ZNF382: variants seen among roughly 807,000 people sequenced by gnomAD.
ZNF382 encodes zinc finger protein 382, also known as KRAB/zinc finger suppressor protein 1.
In ZNF382, 20 loss-of-function variants were observed where a neutral mutation model predicts 38.8. The observed-to-expected ratio is 0.51, with a 90% CI of 0.36 to 0.75. The LOEUF is 0.75. Among genes scored for constraint, ZNF382 ranks in the 30% least tolerant of loss-of-function variants. The probability of loss-of-function intolerance (pLI) is 0.00; values close to 1 mark genes in which losing one functional copy is unlikely to be tolerated. For synonymous variants in ZNF382, 202 were observed against 223.1 expected (o/e 0.91, Z 0.84); for missense variants, 546 against 654.1 (o/e 0.83, Z 1.80).
intron 4 of ZNF382, among the ~76,000 whole-genome samples, chr19:36,618,488 A>C (rs930255266): frequency 2.6e-5 from 4 of 152,068 alleles, no homozygotes; most frequent in African/African-American, 7.2e-5. Flanking sequence ...GGTAGCTCTG[A>C]ACTCTAACCT....
rs182487498 is a variant in ZNF382 at position 36,624,014 on chromosome 19, G to C, written c.233-2116G>C. ...TGAGGCAGGAGAATCACTTGAACCT[G>C]GGAGGCGGAGGTTGCAGTGAGCTGA... On this transcript the variant is annotated intron_variant, in intron 4 of 4. Transcript: ENST00000292928. Among the ~76,000 whole-genome samples, 641 of 152,072 alleles carry C rather than the reference G, an allele frequency of 4.2e-3. 4 individuals are homozygous for C. The highest frequency in any genetic ancestry group is 0.015 in the African/African-American group (626 of 41,486).
At chr19:36,624,072 G>A (rs551605597) in intron 4 of ZNF382, among the ~76,000 whole-genome samples, 4 of 152,016 alleles carry the variant, frequency 2.6e-5, no homozygotes, top group Admixed American at 2.0e-4. Context: ...CTGAGTGACA[G>A]AGTGAGACTT....
At chr19:36,617,928 A>C (rs1600391880) in intron 4 of ZNF382, among the ~76,000 whole-genome samples, 1 of 152,236 alleles carries the variant, frequency 6.6e-6, no homozygotes, top group East Asian at 1.9e-4. Context: ...TTAAAGTTTT[A>C]TGGTATTGTC....
chr19:36,621,590 A>T (rs1322507354), intron 4 of ZNF382, among the ~76,000 whole-genome samples: 1 of 145,156 alleles, frequency 6.9e-6, no homozygotes. Flanking sequence ...ATAGAAAAAA[A>T]TACACACACA....
At chr19:36,610,180 G>A in intron 3 of ZNF382, 127 bp downstream of exon 3, 3 of 1,199,356 alleles carry the variant, frequency 2.5e-6, no homozygotes, top group Non-Finnish European at 3.5e-6. Flanking sequence ...ATATTGCCAG[G>A]CACAGTGGCT....
chr19:36,616,741 G>A (rs971808205), intron 4 of ZNF382, among the ~76,000 whole-genome samples: 1 of 152,192 alleles, frequency 6.6e-6, no homozygotes, highest in Non-Finnish European at 1.5e-5. Flanking sequence ...TCCAAAGCTT[G>A]GCTGAGTGAA....
intron 4 of ZNF382, among the ~76,000 whole-genome samples, chr19:36,614,644 T>C (rs2037106523): frequency 6.6e-6 from 1 of 151,750 alleles, no homozygotes; most frequent in Non-Finnish European, 1.5e-5. Flanking sequence ...ATAGTAAGAG[T>C]GGCTGGGCAT....
At position 36,616,937 on chromosome 19, in the gene ZNF382, C is replaced by T. The variant is rs1488569111; in HGVS notation, c.232+6195C>T. ...GAGGGATGGAGGAGTTCTGAAGGGC[C>T]ACCTGTCAAAGGATTCAGGGGAACT... is the stretch of plus-strand genomic sequence containing the variant. On this transcript the variant is annotated intron_variant, in intron 4 of 4. Coordinates refer to ENST00000292928, the MANE Select transcript of ZNF382 (RefSeq NM_032825.5). Among the ~76,000 whole-genome samples, 3 of 151,930 alleles carry T rather than the reference C, an allele frequency of 2.0e-5. No homozygotes were observed. The East Asian group carries it at 5.8e-4, about 29-fold the overall frequency.
intron 4 of ZNF382, among the ~76,000 whole-genome samples, chr19:36,619,012 C>T (rs2037147903): frequency 6.6e-6 from 1 of 152,120 alleles, no homozygotes; most frequent in Admixed American, 6.6e-5. Context: ...GGTAACAGAG[C>T]AAGATTCTGT....
intron 4 of ZNF382, among the ~76,000 whole-genome samples, chr19:36,621,324 G>GTTTTTTTTTTTTTTTTTTTTTCCT (rs2037167650): frequency 9.6e-6 from 1 of 104,470 alleles, no homozygotes; most frequent in Non-Finnish European, 1.9e-5. Context: ...TTTTTCCCTA[G>GTTTTTTTTTTTTTTTTTTTTTCCT]TTTTTTTTTT....
intron 2 of ZNF382, 200 bp downstream of exon 2, chr19:36,607,822 A>C: frequency 1.8e-6 from 1 of 546,752 alleles, no homozygotes; most frequent in Non-Finnish European, 3.1e-6. Context: ...TGCCCTCCTA[A>C]ATTTTGCATT....
At chr19:36,624,088 C>CA (rs536686594) in intron 4 of ZNF382, among the ~76,000 whole-genome samples, 68 of 131,838 alleles carry the variant, frequency 5.2e-4, no homozygotes, top group African/African-American at 7.0e-4. Context: ...GACTTTGTCT[C>CA]AAAAAAAAAA....
In ZNF382 at chr19:36,610,759, A is replaced by C; in HGVS notation, c.232+17A>C. ...GCTACCTAGGTGAGTCTATAAATGA[A>C]GTCTAGTGAACATTAAATGTCAAGT... is the stretch of plus-strand genomic sequence containing the variant. On this transcript the variant is annotated intron_variant, in intron 4 of 4. Coordinates refer to ENST00000292928, the MANE Select transcript of ZNF382 (RefSeq NM_032825.5). 1 of 1,573,444 alleles carries C rather than the reference A, an allele frequency of 6.4e-7. No individual in the cohort carries two copies. The highest frequency in any genetic ancestry group is 8.7e-7 in the Non-Finnish European group (1 of 1,148,744).
intron 4 of ZNF382, among the ~76,000 whole-genome samples, chr19:36,617,531 T>C (rs1600391697): frequency 6.6e-6 from 1 of 152,138 alleles, no homozygotes; most frequent in African/African-American, 2.4e-5. Context: ...AATCAATCTG[T>C]TCCTATCCAA....
chr19:36,613,171 A>G (rs1359385915), intron 4 of ZNF382, among the ~76,000 whole-genome samples: 1 of 152,136 alleles, frequency 6.6e-6, no homozygotes, highest in Non-Finnish European at 1.5e-5. Context: ...CATACTGTGG[A>G]TAGAAATCTT....
chr19:36,614,427 T>A (rs1600389781), intron 4 of ZNF382, among the ~76,000 whole-genome samples: 2 of 152,246 alleles, frequency 1.3e-5, no homozygotes, highest in Non-Finnish European at 2.9e-5. Flanking sequence ...ACTTCTTGAT[T>A]TCTTTAGATA....
chr19:36,606,417 A>G (rs1041920050), intron 1 of ZNF382, among the ~76,000 whole-genome samples: 3 of 149,034 alleles, frequency 2.0e-5, no homozygotes, highest in Admixed American at 6.8e-5. Context: ...GTGTAGTGGC[A>G]TGATCTCTGC....
intron 4 of ZNF382, among the ~76,000 whole-genome samples, chr19:36,618,906 C>T (rs1318481086): frequency 6.6e-6 from 1 of 152,044 alleles, no homozygotes; most frequent in Non-Finnish European, 1.5e-5. Context: ...GGCATGGTGG[C>T]GCCCACCTGT....
In ZNF382 at chr19:36,627,032, G is replaced by A. The variant is rs1303003386; in HGVS notation, c.1135G>A (p.Ala379Thr). Reference protein sequence around the residue: ...RHHKTHTGEKAYECPQCGSAF... With the variant: ...RHHKTHTGEKTYECPQCGSAF... ...TCACAAAACACATACGGGGGAGAAA[G>A]CCTATGAATGTCCTCAGTGTGGAAG... The change falls in exon 5 of 5, where the codon GCC becomes ACC. Residue 379 changes from alanine to threonine, a missense_variant. By Grantham distance (58) the Ala-to-Thr change is moderately conservative. Transcript: ENST00000292928. 6.2e-7 allele frequency: 1 copy of A among 1,612,752 alleles called. No homozygotes were observed. Among genetic ancestry groups the A allele is most frequent in the Non-Finnish European group, 8.5e-7 (1 of 1,179,674 alleles).
Sources: gnomAD v4.1 joint callset for allele counts (sites outside exome capture counted in the v4.1 genomes callset) on GRCh38, gnomAD v4.1.1 for gene constraint, MANE v1.5 for transcripts, NCBI Gene and HGNC (gene_info 2026-07-23, HGNC 2026-07-21) for gene names.